ULK4: variants seen among roughly 807,000 people sequenced by gnomAD.
ULK4 encodes the protein inactive serine/threonine-protein kinase ULK4.
A neutral mutation model predicts 160.6 loss-of-function variants in ULK4; 133 were observed. The observed-to-expected ratio is 0.83, with a 90% CI of 0.72 to 0.96. The LOEUF is 0.96. ULK4 is among the 40% of genes least tolerant of loss of function. The probability of loss-of-function intolerance (pLI) is 0.00; values close to 1 mark genes in which losing one functional copy is unlikely to be tolerated. For missense variants in ULK4, 1,580 were observed against 1,499.5 expected (o/e 1.05, Z -0.89); for synonymous variants, 534 against 539.8 (o/e 0.99, Z 0.15).
At chr3:41,758,501 T>A (rs955625480) in intron 21 of ULK4, among the ~76,000 whole-genome samples, 8 of 152,122 alleles carry the variant, frequency 5.3e-5, no homozygotes, top group African/African-American at 1.9e-4. Context: ...CAACAATATA[T>A]AAGCACGTTG....
chr3:41,833,974 C>G (rs2041678788), intron 18 of ULK4, among the ~76,000 whole-genome samples: 1 of 151,910 alleles, frequency 6.6e-6, no homozygotes, highest in Non-Finnish European at 1.5e-5. Context: ...TAAAATGATA[C>G]AAAATCTACA....
At chr3:41,818,340 C>G (rs2041036405) in intron 19 of ULK4, among the ~76,000 whole-genome samples, 1 of 152,112 alleles carries the variant, frequency 6.6e-6, no homozygotes, top group Non-Finnish European at 1.5e-5. Context: ...TGTTCTTTTG[C>G]ATTTATGTGT....
intron 30 of ULK4, among the ~76,000 whole-genome samples, chr3:41,639,520 G>C (rs1212138552): frequency 6.6e-6 from 1 of 152,162 alleles, no homozygotes; most frequent in Non-Finnish European, 1.5e-5. Context: ...CTGAGGTCAG[G>C]AGTTCAAGAC....
intron 35 of ULK4, among the ~76,000 whole-genome samples, chr3:41,373,315 C>A (rs947062218): frequency 2.0e-5 from 3 of 152,108 alleles, no homozygotes; most frequent in African/African-American, 7.2e-5. Flanking sequence ...ACTTGCCACC[C>A]CAAATCAACA....
chr3:41,532,725 A>G (rs2086363662), intron 32 of ULK4, among the ~76,000 whole-genome samples: 1 of 152,168 alleles, frequency 6.6e-6, no homozygotes, highest in Non-Finnish European at 1.5e-5. Flanking sequence ...TAGTTGTACC[A>G]GAGACTGTAT....
chr3:41,931,551 T>C (rs1032441073), intron 5 of ULK4, among the ~76,000 whole-genome samples: 4 of 151,762 alleles, frequency 2.6e-5, no homozygotes, highest in African/African-American at 7.3e-5. Flanking sequence ...GAGCCGCTAA[T>C]GTGCCAGGCA....
intron 32 of ULK4, among the ~76,000 whole-genome samples, chr3:41,488,311 C>T (rs2084619002): frequency 6.6e-6 from 1 of 152,116 alleles, no homozygotes; most frequent in African/African-American, 2.4e-5. Flanking sequence ...TTATTATTCC[C>T]ATCCCTCTGC....
chr3:41,523,495 T>C (rs1231982445), intron 32 of ULK4, among the ~76,000 whole-genome samples: 3 of 152,168 alleles, frequency 2.0e-5, no homozygotes, highest in Non-Finnish European at 4.4e-5. Flanking sequence ...ATGGCTAAAA[T>C]GGTAAATTTT....
chr3:41,311,594 G>C (rs1276064175), intron 35 of ULK4, among the ~76,000 whole-genome samples: 1 of 151,944 alleles, frequency 6.6e-6, no homozygotes, highest in East Asian at 1.9e-4. Context: ...TTTTGAGACT[G>C]AGTCTCACTC....
intron 30 of ULK4, among the ~76,000 whole-genome samples, chr3:41,650,612 C>G (rs1353033167): frequency 6.6e-6 from 1 of 152,240 alleles, no homozygotes; most frequent in Non-Finnish European, 1.5e-5. Context: ...TCACACACCC[C>G]ATGCCACTAT....
intron 18 of ULK4, among the ~76,000 whole-genome samples, chr3:41,829,660 G>A (rs1172583003): frequency 1.3e-5 from 2 of 152,150 alleles, no homozygotes; most frequent in Non-Finnish European, 2.9e-5. Flanking sequence ...GTGCTGGAGA[G>A]GATGTGGAGA....
intron 33 of ULK4, among the ~76,000 whole-genome samples, chr3:41,459,724 A>C (rs1292867103): frequency 6.6e-6 from 1 of 152,136 alleles, no homozygotes; most frequent in Non-Finnish European, 1.5e-5. Context: ...CAAATATTTC[A>C]CATGTGGAAA....
chr3:41,776,498 T>C (rs1445806209), intron 21 of ULK4, among the ~76,000 whole-genome samples: 2 of 150,712 alleles, frequency 1.3e-5, no homozygotes, highest in Non-Finnish European at 2.9e-5. Context: ...ACAGTCACAC[T>C]ACAAAGTACT....
At chr3:41,387,381 A>T (rs200552380) in intron 35 of ULK4, among the ~76,000 whole-genome samples, 38 of 147,750 alleles carry the variant, frequency 2.6e-4, no homozygotes, top group Middle Eastern at 3.4e-3. Context: ...TTTCTTTTTT[A>T]TATCATTATA....
chr3:41,507,961 G>T (rs963214493), intron 32 of ULK4, among the ~76,000 whole-genome samples: 4 of 152,180 alleles, frequency 2.6e-5, no homozygotes, highest in Admixed American at 2.0e-4. Context: ...GAACTGAATT[G>T]CCACTGCAAG....
intron 21 of ULK4, among the ~76,000 whole-genome samples, chr3:41,758,149 G>A (rs768327044): frequency 1.1e-4 from 16 of 152,250 alleles, no homozygotes; most frequent in Non-Finnish European, 2.1e-4. Flanking sequence ...ACGAAACTAT[G>A]TATGACAAAT....
At chr3:41,826,376 G>T (rs1405413418) in intron 18 of ULK4, among the ~76,000 whole-genome samples, 1 of 152,134 alleles carries the variant, frequency 6.6e-6, no homozygotes, top group African/African-American at 2.4e-5. Flanking sequence ...ACTGGATCAA[G>T]AGTCAAGACC....
At chr3:41,460,464 G>C (rs1389168202) in intron 33 of ULK4, among the ~76,000 whole-genome samples, 3 of 152,146 alleles carry the variant, frequency 2.0e-5, no homozygotes, top group Non-Finnish European at 1.5e-5. Flanking sequence ...TTCATTACTT[G>C]TATGTTGACA....
In ULK4 at chr3:41,827,140, C is replaced by T. The variant is rs529281195; in HGVS notation, c.1765-7634G>A. The stretch of plus-strand genomic sequence containing the variant: ...AACAAAGACACAACATACCAGAATA[C>T]CTGGGACACATTCAAAGCAGTGTGT... On this transcript the variant is annotated intron_variant, in intron 18 of 36. Transcript: ENST00000301831. Among the ~76,000 whole-genome samples the T allele has an allele frequency of 8.3e-3, 994 of 120,238 alleles. 2 individuals are homozygous for T. The highest frequency in any genetic ancestry group is 0.046 in the Middle Eastern group (9 of 194). 78.9% of individuals were successfully genotyped at this position (120,238 alleles called of 152,430 possible).
Sources: allele counts gnomAD v4.1 joint callset (sites outside exome capture counted in the v4.1 genomes callset), GRCh38; gene constraint gnomAD v4.1.1; transcripts MANE v1.5; gene names NCBI Gene and HGNC (gene_info 2026-07-23, HGNC 2026-07-21).